DOCK5: variants seen among roughly 807,000 people sequenced by gnomAD.
The protein encoded by DOCK5 is dedicator of cytokinesis 5, also known as dedicator of cytokinesis protein 5.
DOCK5 carries 142 observed loss-of-function variants against 251.8 expected under a neutral mutation model. That is an observed-to-expected ratio of 0.56 (90% confidence interval 0.49 to 0.65). The LOEUF is 0.65. Among genes scored for constraint, DOCK5 ranks in the 30% least tolerant of loss-of-function variants. The probability of loss-of-function intolerance (pLI) is 0.00; values close to 1 mark genes in which losing one functional copy is unlikely to be tolerated. For synonymous variants in DOCK5, 842 were observed against 835.5 expected (o/e 1.01, Z -0.13); for missense variants, 2,111 against 2,312.3 (o/e 0.91, Z 1.79).
At chr8:25,374,307 G>A (rs187794142) in intron 36 of DOCK5, among the ~76,000 whole-genome samples, 55 of 152,080 alleles carry the variant, frequency 3.6e-4, no homozygotes, top group Middle Eastern at 6.8e-3. Flanking sequence ...ATCAACTCTC[G>A]AGCCTGGGCA....
chr8:25,320,553 G>C (rs1272097189), intron 15 of DOCK5, among the ~76,000 whole-genome samples: 2 of 152,234 alleles, frequency 1.3e-5, no homozygotes, highest in South Asian at 4.1e-4. Context: ...TCTCTCCCCT[G>C]TAGATAGGTA....
rs1805533568 is a variant in DOCK5, at chr8:25,325,233, G to A, written c.1720-131G>A. On this transcript the variant is annotated intron_variant, in intron 17 of 51. Transcript: ENST00000276440. ...AGAAAGATATCAGAGTATCTCAGAG[G>A]TGGAAGGGATCTTCAGGATAAATTG... 3 of 878,540 alleles carry A rather than the reference G, an allele frequency of 3.4e-6. No individual in the cohort carries two copies. In the Admixed American group the frequency reaches 8.2e-5, roughly 24 times the overall value. The allele number at this position is 878,540 out of a possible 1,614,324, so 54.4% of individuals were successfully genotyped here.
At chr8:25,259,478 G>A (rs1246603779) in intron 2 of DOCK5, among the ~76,000 whole-genome samples, 1 of 151,964 alleles carries the variant, frequency 6.6e-6, no homozygotes, top group Non-Finnish European at 1.5e-5. Flanking sequence ...TGTTTTAAGA[G>A]GCAGTCTTGC....
intron 1 of DOCK5, among the ~76,000 whole-genome samples, chr8:25,197,575 CTTTTTTTTTTTTTTTTTTTT>C (rs541455591): frequency 1.8e-5 from 2 of 108,308 alleles, no homozygotes; most frequent in Non-Finnish European, 3.5e-5. Context: ...GTGTCTTTGT[CTTTTTTTTTTTTTTTTTTTT>C]TTTTTTTGAG....
At chr8:25,260,531 C>T (rs191228651) in intron 2 of DOCK5, among the ~76,000 whole-genome samples, 5 of 152,240 alleles carry the variant, frequency 3.3e-5, no homozygotes, top group Admixed American at 2.0e-4. Flanking sequence ...GGAAATCATG[C>T]GTCCCTCTCA....
chr8:25,278,398 C>A (rs1804103706), intron 4 of DOCK5, among the ~76,000 whole-genome samples, 171 bp from the exon 5 acceptor site: 1 of 152,190 alleles, frequency 6.6e-6, no homozygotes, highest in South Asian at 2.1e-4. Context: ...CTGCCTTACT[C>A]TCCTTCTCTT....
intron 1 of DOCK5, among the ~76,000 whole-genome samples, chr8:25,240,988 A>T (rs951197218): frequency 6.6e-6 from 1 of 152,144 alleles, no homozygotes; most frequent in Non-Finnish European, 1.5e-5. Context: ...CTCCATCTGC[A>T]TGTCGCCTTC....
rs781349370 is a variant in DOCK5, at chr8:25,364,713, G to A, written c.3123+9G>A. ...CAAGCTTTGAACTTCAGGTAGGCAT[G>A]TGACTCACCTACCTGCTTCTAGAAT... On this transcript the variant is annotated intron_variant, in intron 30 of 51. Transcript: ENST00000276440. The A allele has an allele frequency of 1.3e-6, 2 of 1,576,866 alleles. No individual in the cohort carries two copies. Among genetic ancestry groups the A allele is most frequent in the South Asian group, 1.2e-5 (1 of 86,724 alleles).
chr8:25,316,882 C>T lies in DOCK5; in HGVS notation c.1319-125C>T, dbSNP rs1360954376. 7.6e-6 allele frequency: 9 copies of T among 1,182,552 alleles called. No individual in the cohort carries two copies. In the Admixed American group the frequency reaches 1.1e-4, roughly 14 times the overall value. The allele number at this position is 1,182,552 out of a possible 1,614,324, so 73.3% of individuals were successfully genotyped here. A position where few individuals can be genotyped will look rare whatever the true frequency, so the allele number is the denominator to read the frequency against. ...GCAAACGCATATGAAAGCCTTTTGT[C>T]GGATGAGTAGTTCAGTATAAAACCA... is the stretch of plus-strand genomic sequence containing the variant. On this transcript the variant is annotated intron_variant, in intron 13 of 51. Transcript: ENST00000276440.
At chr8:25,398,155 C>T (rs1801379140) in intron 45 of DOCK5, among the ~76,000 whole-genome samples, 1 of 152,154 alleles carries the variant, frequency 6.6e-6, no homozygotes, top group Non-Finnish European at 1.5e-5. Context: ...AATTTCAGGG[C>T]TCTCTGCTCC....
intron 22 of DOCK5, among the ~76,000 whole-genome samples, chr8:25,337,572 A>G (rs1805846472): frequency 6.6e-6 from 1 of 150,836 alleles, no homozygotes; most frequent in Non-Finnish European, 1.5e-5. Flanking sequence ...AGGAAAGACG[A>G]CCATGATAGA....
At chr8:25,214,512 A>G (rs748963330) in intron 1 of DOCK5, among the ~76,000 whole-genome samples, 1 of 151,948 alleles carries the variant, frequency 6.6e-6, no homozygotes, top group African/African-American at 2.4e-5. Flanking sequence ...TCAATCTCCT[A>G]TTTACCTCTT....
chr8:25,373,063 G>C (rs570602222), intron 35 of DOCK5, among the ~76,000 whole-genome samples: 1 of 150,334 alleles, frequency 6.7e-6, no homozygotes, highest in African/African-American at 2.4e-5. Flanking sequence ...GCAGTGGTGC[G>C]ATCTCAGCTC....
chr8:25,269,023 T>C (rs1236646735), intron 3 of DOCK5, 138 bp downstream of exon 3: 6 of 703,950 alleles, frequency 8.5e-6, no homozygotes, highest in Non-Finnish European at 1.4e-5. Context: ...TCTTTGGATT[T>C]GAAAGCAAAT....
At chr8:25,358,926 A>G (rs761517502) in intron 27 of DOCK5, 37 bp from the exon 28 acceptor site, 29 of 1,578,890 alleles carry the variant, frequency 1.8e-5, no homozygotes, top group African/African-American at 1.8e-4. Context: ...TTGGTGGTCT[A>G]AGGAGTCTTG....
intron 18 of DOCK5, among the ~76,000 whole-genome samples, chr8:25,328,870 T>A (rs1193567033): frequency 6.6e-6 from 1 of 152,186 alleles, no homozygotes; most frequent in East Asian, 1.9e-4. Flanking sequence ...CATTGCACCC[T>A]CCAGCACCAA....
intron 1 of DOCK5, among the ~76,000 whole-genome samples, chr8:25,221,998 T>C (rs541265540): frequency 1.3e-5 from 2 of 152,332 alleles, no homozygotes; most frequent in East Asian, 3.9e-4. Flanking sequence ...AAGTGTGCTC[T>C]GAATCTTACC....
In DOCK5 at chr8:25,411,497, C is replaced by G. The variant is rs139999286; in HGVS notation, c.*199C>G. On this transcript the variant is annotated 3_prime_UTR_variant, in exon 52 of 52. Coordinates refer to ENST00000276440, the MANE Select transcript of DOCK5 (RefSeq NM_024940.8). ...ATTTTGAGGCCATGCCACCTCCCTTCCAGTCCACATGGAATTCCAGAATCA... is the reference window on the plus strand; with the variant it reads ...ATTTTGAGGCCATGCCACCTCCCTTGCAGTCCACATGGAATTCCAGAATCA... 9 of 639,482 alleles carry G rather than the reference C, an allele frequency of 1.4e-5. No homozygotes were observed. In the African/African-American group the frequency reaches 1.5e-4, roughly 11 times the overall value. 39.6% of individuals were successfully genotyped at this position (639,482 alleles called of 1,614,324 possible).
chr8:25,343,679 G>A lies in DOCK5; in HGVS notation c.2617+1172G>A, dbSNP rs150163338. ...AAACAGCAATGTGTTGGATCCCACAGGAGAGCTGGTTACATGCATCCCTTC... is the reference window on the plus strand; with the variant it reads ...AAACAGCAATGTGTTGGATCCCACAAGAGAGCTGGTTACATGCATCCCTTC... On this transcript the variant is annotated intron_variant, in intron 25 of 51. Coordinates refer to ENST00000276440, the MANE Select transcript of DOCK5 (RefSeq NM_024940.8). Among the ~76,000 whole-genome samples the A allele has an allele frequency of 2.6e-3, 403 of 152,328 alleles. 2 individuals are homozygous for A. Among genetic ancestry groups the A allele is most frequent in the Middle Eastern group, 6.8e-3 (2 of 294 alleles).
Sources: allele counts gnomAD v4.1 joint callset (sites outside exome capture counted in the v4.1 genomes callset), GRCh38; gene constraint gnomAD v4.1.1; transcripts MANE v1.5; gene names NCBI Gene and HGNC (gene_info 2026-07-23, HGNC 2026-07-21).